The following PALS1 variants were observed in gnomAD, a reference collection of about 807,000 sequenced individuals.
PALS1 encodes protein associated with LIN7 1, MAGUK p55 family member, also known as protein PALS1.
In PALS1, 31 loss-of-function variants were observed where a neutral mutation model predicts 78.9. That is an observed-to-expected ratio of 0.39 (90% confidence interval 0.30 to 0.53). The LOEUF is 0.53. Ranked by LOEUF, PALS1 falls within the 20% of genes least tolerant of loss-of-function variation. The pLI is 0.67. For synonymous variants in PALS1, 276 were observed against 270.9 expected, an observed-to-expected ratio of 1.02 and a Z score of -0.18; for missense variants, 704 against 826.5, an observed-to-expected ratio of 0.85 and a Z score of 1.82.
Position 67,279,237 on chromosome 14 carries a change from C to G in PALS1, c.67C>G (p.Leu23Val). The G allele has an allele frequency of 6.2e-7, 1 of 1,612,834 alleles. No homozygotes were observed. Among genetic ancestry groups the G allele is most frequent in the South Asian group, 1.1e-5 (1 of 90,960 alleles). Reference sequence around the variant, plus strand: ...AGACAGCGAAGTAAAAAATGTTGATCTTGCATCACCAGAGGAACATCAGAA... The same window carrying G: ...AGACAGCGAAGTAAAAAATGTTGATGTTGCATCACCAGAGGAACATCAGAA... The part of the protein sequence containing the change: ...ESDSEVKNVD[L>V]ASPEEHQKHR... Residue 23 changes from leucine (L) to valine (V), a missense_variant, in exon 3 of 15, where the codon CTT becomes GTT. By Grantham distance (32) the Leu-to-Val change is conservative. Transcript: ENST00000261681.
At chr14:67,303,692 G>T in intron 8 of PALS1, 93 bp downstream of exon 8, 1 of 833,960 alleles carries the variant, frequency 1.2e-6, no homozygotes. Context: ...ACTGTTTCCT[G>T]TACTCAAATA....
chr14:67,251,977 G>C (rs114542860), intron 1 of PALS1, among the ~76,000 whole-genome samples: 244 of 152,242 alleles, frequency 1.6e-3, no homozygotes, highest in African/African-American at 5.6e-3. Flanking sequence ...ACAGTGTTTG[G>C]AGAGATTCTG....
chr14:67,289,669 A>G (rs2084742917), intron 3 of PALS1, among the ~76,000 whole-genome samples: 1 of 152,104 alleles, frequency 6.6e-6, no homozygotes, highest in African/African-American at 2.4e-5. Context: ...TGCTGTTCAA[A>G]TTGTGGGATA....
intron 3 of PALS1, among the ~76,000 whole-genome samples, chr14:67,290,784 T>C (rs1457030115): frequency 6.6e-6 from 1 of 151,988 alleles, no homozygotes; most frequent in Admixed American, 6.6e-5. Context: ...GTCCACCTGC[T>C]TCAGTTTCCC....
At chr14:67,284,458 T>G (rs2084648997) in intron 3 of PALS1, among the ~76,000 whole-genome samples, 1 of 117,206 alleles carries the variant, frequency 8.5e-6, no homozygotes, top group East Asian at 2.3e-4. Flanking sequence ...CTGGGCATGG[T>G]GGTATGCTTC....
chr14:67,329,528 G>A (rs1479714625), intron 14 of PALS1, among the ~76,000 whole-genome samples: 1 of 152,154 alleles, frequency 6.6e-6, no homozygotes, highest in African/African-American at 2.4e-5. Context: ...AATAGGAGTG[G>A]TGAGAGAGGG....
In PALS1 at chr14:67,333,677, T is replaced by C. The variant is rs2085484120; in HGVS notation, c.*721T>C. 6.6e-6 allele frequency: 1 copy of C among 152,588 alleles called. No homozygotes were observed. Among genetic ancestry groups the C allele is most frequent in the Non-Finnish European group, 1.5e-5 (1 of 68,032 alleles). The allele number at this position is 152,588 out of a possible 1,614,324, so 9.5% of individuals were successfully genotyped here. ...ACAAAATATGCTGATCTTTTTTAAATTATGATTTCCTGAATTTTTTTCTTA... is the reference window on the plus strand; with the variant it reads ...ACAAAATATGCTGATCTTTTTTAAACTATGATTTCCTGAATTTTTTTCTTA... On this transcript the variant is annotated 3_prime_UTR_variant, in exon 15 of 15. Coordinates refer to ENST00000261681, the MANE Select transcript of PALS1 (RefSeq NM_022474.4).
intron 8 of PALS1, among the ~76,000 whole-genome samples, chr14:67,305,436 C>T (rs2084987490): frequency 6.6e-6 from 1 of 152,164 alleles, no homozygotes; most frequent in Admixed American, 6.6e-5. Context: ...CATACTACCA[C>T]ATCCGGCTAA....
At chr14:67,268,203 C>T (rs2084358215) in intron 1 of PALS1, among the ~76,000 whole-genome samples, 1 of 152,208 alleles carries the variant, frequency 6.6e-6, no homozygotes, top group Non-Finnish European at 1.5e-5. Flanking sequence ...CCCCTTCCTT[C>T]ACATTCTCTC....
At chr14:67,243,403 G>A (rs1448763964) in intron 1 of PALS1, among the ~76,000 whole-genome samples, 2 of 151,326 alleles carry the variant, frequency 1.3e-5, no homozygotes, top group South Asian at 2.1e-4. Flanking sequence ...GGCCAGGCTG[G>A]CCTCGAACTC....
intron 14 of PALS1, among the ~76,000 whole-genome samples, chr14:67,332,101 G>A (rs1566588619): frequency 1.3e-5 from 2 of 152,176 alleles, no homozygotes; most frequent in African/African-American, 4.8e-5. Context: ...ATTTTGTCTT[G>A]AGTTTAAGTT....
rs549895254 is a variant in PALS1 at position 67,246,686 on chromosome 14, C to G, written c.-237+5153C>G. Among the ~76,000 whole-genome samples, 274 of 125,382 alleles carry G rather than the reference C, an allele frequency of 2.2e-3. 1 individual carries two copies. Among genetic ancestry groups the G allele is most frequent in the African/African-American group, 7.7e-3 (256 of 33,402 alleles). 82.3% of individuals were successfully genotyped at this position (125,382 alleles called of 152,430 possible). ...TTTTTTTTTGAGATGGAGTCTTGCTCTCTCGCCAGGCTGGAGTGCAGTGGC... is the reference window on the plus strand; with the variant it reads ...TTTTTTTTTGAGATGGAGTCTTGCTGTCTCGCCAGGCTGGAGTGCAGTGGC... On this transcript the variant is annotated intron_variant, in intron 1 of 14. Coordinates refer to ENST00000261681, the MANE Select transcript of PALS1 (RefSeq NM_022474.4).
At chr14:67,291,614 G>A (rs970875956) in intron 3 of PALS1, among the ~76,000 whole-genome samples, 13 of 152,068 alleles carry the variant, frequency 8.5e-5, no homozygotes, top group African/African-American at 2.7e-4. Context: ...TTAGAATAAC[G>A]TTTTCCAGAA....
chr14:67,251,604 G>C (rs2084064066), intron 1 of PALS1, among the ~76,000 whole-genome samples: 1 of 152,188 alleles, frequency 6.6e-6, no homozygotes, highest in African/African-American at 2.4e-5. Context: ...AGCTCCTTAA[G>C]GGTAGGATAG....
At chr14:67,257,032 T>C (rs2140478576) in intron 1 of PALS1, among the ~76,000 whole-genome samples, 1 of 152,148 alleles carries the variant, frequency 6.6e-6, no homozygotes, top group Admixed American at 6.5e-5. Context: ...AAATACGTTT[T>C]AGGGAGACAT....
intron 3 of PALS1, among the ~76,000 whole-genome samples, chr14:67,281,933 T>C (rs187629877): frequency 6.6e-6 from 1 of 152,274 alleles, no homozygotes; most frequent in East Asian, 1.9e-4. Context: ...AAAGTACCTA[T>C]GTGTGGTCCT....
intron 14 of PALS1, among the ~76,000 whole-genome samples, chr14:67,328,656 A>G (rs1266693313): frequency 2.0e-5 from 3 of 152,176 alleles, no homozygotes; most frequent in Admixed American, 6.6e-5. Flanking sequence ...ACTTTTGTAT[A>G]AGGTGTAAGG....
intron 14 of PALS1, among the ~76,000 whole-genome samples, chr14:67,329,596 A>G (rs1228982581): frequency 6.6e-6 from 1 of 152,106 alleles, no homozygotes; most frequent in Non-Finnish European, 1.5e-5. Flanking sequence ...TCCATTCAGT[A>G]TGATATTGGC....
intron 1 of PALS1, among the ~76,000 whole-genome samples, chr14:67,267,298 G>A (rs1056530617): frequency 2.6e-5 from 4 of 151,398 alleles, no homozygotes; most frequent in African/African-American, 7.3e-5. Flanking sequence ...CACTCTTGTC[G>A]CCCAGGCTGG....
Sources: gnomAD v4.1 joint callset for allele counts (sites outside exome capture counted in the v4.1 genomes callset) on GRCh38, gnomAD v4.1.1 for gene constraint, MANE v1.5 for transcripts, NCBI Gene and HGNC (gene_info 2026-07-23, HGNC 2026-07-21) for gene names.